The following PSKH1 variants were observed in gnomAD, a reference collection of about 807,000 sequenced individuals.
The protein encoded by PSKH1 is serine/threonine-protein kinase H1.
A neutral mutation model predicts 26.7 loss-of-function variants in PSKH1; 12 were observed. The ratio of observed to expected loss-of-function variants is 0.45; its 90% CI spans 0.29 to 0.73. PSKH1 has a LOEUF of 0.73. Among genes scored for constraint, PSKH1 ranks in the 30% least tolerant of loss-of-function variants. The pLI is 0.11. For missense variants in PSKH1, 431 were observed against 595.2 expected, an observed-to-expected ratio of 0.72 and a Z score of 2.87; for synonymous variants, 213 against 234.3, an observed-to-expected ratio of 0.91 and a Z score of 0.83.
chr16:67,906,890 C>T (rs2058157471), intron 1 of PSKH1, among the ~76,000 whole-genome samples: 1 of 152,044 alleles, frequency 6.6e-6, no homozygotes, highest in Non-Finnish European at 1.5e-5. Flanking sequence ...CATAAGGAAG[C>T]AAGATACCCT....
intron 2 of PSKH1, among the ~76,000 whole-genome samples, chr16:67,912,699 T>C (rs1313846049): frequency 3.9e-5 from 6 of 152,054 alleles, no homozygotes; most frequent in Non-Finnish European, 1.5e-5. Flanking sequence ...TGAAACCCCG[T>C]CTCTACTAAA....
chr16:67,905,512 T>C (rs1474915101), intron 1 of PSKH1, among the ~76,000 whole-genome samples: 1 of 152,210 alleles, frequency 6.6e-6, no homozygotes, highest in Non-Finnish European at 1.5e-5. Flanking sequence ...CCGACTTCAC[T>C]CTACATTATA....
Position 67,909,520 on chromosome 16 carries a change from C to A in PSKH1, c.771C>A (p.Thr257=). 1 of 1,613,816 alleles carries A rather than the reference C, an allele frequency of 6.2e-7. No individual in the cohort carries two copies. Residue 257 remains threonine (T), a synonymous_variant, in exon 2 of 3, where the codon ACC becomes ACA. Transcript: ENST00000291041. The surrounding 1 kb of genome is among the most constrained non-coding windows in gnomAD (Gnocchi z 7.8). ...KKGDDCLMKT[T]CGTPEYIAPE... is the part of the protein sequence containing the mutation. ...GTGATGACTGCTTGATGAAGACCAC[C>A]TGTGGCACGCCTGAGTACATTGCCC...
chr16:67,908,689 G>A lies in PSKH1; in HGVS notation c.-61G>A, dbSNP rs2058163209. The A allele has an allele frequency of 2.1e-6, 3 of 1,407,966 alleles. No homozygotes were observed. The East Asian group carries it at 6.9e-5, about 32-fold the overall frequency. 87.2% of individuals were successfully genotyped at this position (1,407,966 alleles called of 1,614,324 possible). A position where few individuals can be genotyped will look rare whatever the true frequency, so the allele number is the denominator to read the frequency against. On this transcript the variant is annotated 5_prime_UTR_variant, in exon 2 of 3. Transcript: ENST00000291041. ...CTCTCTTTGTGTGTAGGTGTAGACG[G>A]GGCACTGCCTTCAGAGCAGGTCCTG...
rs879710546 is a variant in PSKH1 at position 67,906,073 on chromosome 16, AT to A, written c.-70-2596del. Among the ~76,000 whole-genome samples the A allele has an allele frequency of 6.7e-4, 99 of 147,298 alleles. 1 individual carries two copies. The East Asian group carries it at 0.013, about 19-fold the overall frequency. ...TTCTCTTCCAGTTCTATTTGTCATA[AT>A]TTTTTTTTTTCTTTTTGAGACAGAG... On this transcript the variant is annotated intron_variant, in intron 1 of 2. Transcript: ENST00000291041.
rs1001050531 is a variant in PSKH1 at position 67,929,217 on chromosome 16, G to C, written c.*1575G>C. On this transcript the variant is annotated 3_prime_UTR_variant, in exon 3 of 3. Coordinates refer to ENST00000291041, the MANE Select transcript of PSKH1 (RefSeq NM_006742.3). ...TGACGGCAGGGCCCCTGCCATTGCAGGAGGGTTTGGTTCCCACTCAGCTTC... is the reference window on the plus strand; with the variant it reads ...TGACGGCAGGGCCCCTGCCATTGCACGAGGGTTTGGTTCCCACTCAGCTTC... 2 of 152,586 alleles carry C rather than the reference G, an allele frequency of 1.3e-5. No homozygotes were observed. The highest frequency in any genetic ancestry group is 6.5e-5 in the Admixed American group (1 of 15,292). The allele number at this position is 152,586 out of a possible 1,614,324, so 9.5% of individuals were successfully genotyped here. A position where few individuals can be genotyped will look rare whatever the true frequency, so the allele number is the denominator to read the frequency against.
At position 67,928,392 on chromosome 16, in the gene PSKH1, CCTT is replaced by C. The variant is rs1478242927; in HGVS notation, c.*754_*756del. The C allele has an allele frequency of 6.5e-6, 1 of 152,778 alleles. No individual in the cohort carries two copies. The highest frequency in any genetic ancestry group is 2.4e-5 in the African/African-American group (1 of 41,430). The allele number at this position is 152,778 out of a possible 1,614,324, so 9.5% of individuals were successfully genotyped here. Reference sequence around the variant, plus strand: ...GGGTCTCAGCCCACCGCCCTTGGTGCCTTCTTTGTAGAGCCCACCGCTACCTCC... The same window carrying C: ...GGGTCTCAGCCCACCGCCCTTGGTGCCTTTGTAGAGCCCACCGCTACCTCC... On this transcript the variant is annotated 3_prime_UTR_variant, in exon 3 of 3. Coordinates refer to ENST00000291041, the MANE Select transcript of PSKH1 (RefSeq NM_006742.3). The surrounding 1 kb of genome is among the most constrained non-coding windows in gnomAD (Gnocchi z 4.8).
chr16:67,927,874 A>G lies in PSKH1; in HGVS notation c.*232A>G. 1 of 563,088 alleles carries G rather than the reference A, an allele frequency of 1.8e-6. No homozygotes were observed. Among genetic ancestry groups the G allele is most frequent in the East Asian group, 3.0e-5 (1 of 33,750 alleles). The allele number at this position is 563,088 out of a possible 1,614,324, so 34.9% of individuals were successfully genotyped here. ...GGGCTGTGACTCCCCCTGAACTGGG[A>G]GCCTGGCCTGGCACTGATACCCCTC... On this transcript the variant is annotated 3_prime_UTR_variant, in exon 3 of 3. Coordinates refer to ENST00000291041, the MANE Select transcript of PSKH1 (RefSeq NM_006742.3). This position sits in a 1 kb window ranked among gnomAD's most constrained non-coding sequence, Gnocchi z 5.5.
intron 1 of PSKH1, among the ~76,000 whole-genome samples, chr16:67,897,967 C>A (rs530759035): frequency 1.3e-5 from 2 of 152,294 alleles, no homozygotes; most frequent in Admixed American, 1.3e-4. Flanking sequence ...CCTGCCTCAG[C>A]CTCCCGAGTA....
chr16:67,906,003 A>G (rs1030574757), intron 1 of PSKH1, among the ~76,000 whole-genome samples: 1 of 152,098 alleles, frequency 6.6e-6, no homozygotes, highest in African/African-American at 2.4e-5. Context: ...TGCCCCTGGT[A>G]TCTACTAGAT....
intron 2 of PSKH1, among the ~76,000 whole-genome samples, chr16:67,910,489 TC>T (rs2058170373): frequency 6.6e-6 from 1 of 151,956 alleles, no homozygotes; most frequent in South Asian, 2.1e-4. Flanking sequence ...AACCAGAAAA[TC>T]TGATCTTTTA....
intron 2 of PSKH1, among the ~76,000 whole-genome samples, chr16:67,914,449 G>A (rs568613879): frequency 4.0e-5 from 6 of 149,350 alleles, no homozygotes; most frequent in Non-Finnish European, 8.9e-5. Context: ...CACTGTGTCC[G>A]GTCTGAATTT....
intron 1 of PSKH1, among the ~76,000 whole-genome samples, chr16:67,897,994 C>A (rs1185715871): frequency 6.6e-6 from 1 of 152,150 alleles, no homozygotes; most frequent in Non-Finnish European, 1.5e-5. Flanking sequence ...ACTACAGGTG[C>A]ACGCTACCAC....
At chr16:67,921,375 A>T (rs1205748628) in intron 2 of PSKH1, among the ~76,000 whole-genome samples, 1 of 152,138 alleles carries the variant, frequency 6.6e-6, no homozygotes, top group African/African-American at 2.4e-5. Context: ...GGAGATCAAG[A>T]CTATCCTGGC....
chr16:67,895,456 T>A (rs547721157), intron 1 of PSKH1, among the ~76,000 whole-genome samples: 1 of 151,434 alleles, frequency 6.6e-6, no homozygotes, highest in South Asian at 2.1e-4. Context: ...ACACCCAGGC[T>A]GGAGTGCAGT....
intron 1 of PSKH1, among the ~76,000 whole-genome samples, chr16:67,904,007 AC>A: frequency 7.0e-6 from 1 of 142,066 alleles, no homozygotes; most frequent in South Asian, 2.2e-4. Flanking sequence ...ATACCATCAT[AC>A]CCAGCTGATT....
chr16:67,927,458 T>A lies in PSKH1; in HGVS notation c.1091T>A (p.Met364Lys). Residue 364 changes from methionine (M) to lysine (K), a missense_variant, in exon 3 of 3, where the codon ATG (methionine) becomes AAG (lysine). Met to Lys is a moderately conservative substitution (Grantham distance 95, BLOSUM62 -1). Coordinates refer to ENST00000291041, the MANE Select transcript of PSKH1 (RefSeq NM_006742.3). The surrounding 1 kb of genome is among the most constrained non-coding windows in gnomAD (Gnocchi z 5.5). ...GTGAGCATGGCTGCCTCTTCATCCA[T>A]GAAGAACCTGCACCGCTCCATATCC... ...WVVSMAASSSMKNLHRSISQN... is the reference protein window; with the variant it reads ...WVVSMAASSSKKNLHRSISQN... The A allele has an allele frequency of 1.2e-6, 2 of 1,614,218 alleles. No homozygotes were observed. Among genetic ancestry groups the A allele is most frequent in the Non-Finnish European group, 1.7e-6 (2 of 1,180,038 alleles).
rs931071569 is a variant in PSKH1, at chr16:67,909,489, A to G, written c.740A>G (p.Lys247Arg). Residue 247 changes from lysine (K) to arginine (R), a missense_variant, in exon 2 of 3, where the codon AAG becomes AGG. Coordinates refer to ENST00000291041, the MANE Select transcript of PSKH1 (RefSeq NM_006742.3). This position sits in a 1 kb window ranked among gnomAD's most constrained non-coding sequence, Gnocchi z 7.8. ...GACTTCGGCCTGGCCAGTGCTCGCA[A>G]GAAGGGTGATGACTGCTTGATGAAG... ...ITDFGLASAR[K>R]KGDDCLMKTT... 6.2e-7 allele frequency: 1 copy of G among 1,613,708 alleles called. No homozygotes were observed. The highest frequency in any genetic ancestry group is 1.3e-5 in the African/African-American group (1 of 75,012).
At chr16:67,920,435 A>G (rs1016477041) in intron 2 of PSKH1, among the ~76,000 whole-genome samples, 25 of 151,990 alleles carry the variant, frequency 1.6e-4, no homozygotes, top group Non-Finnish European at 1.3e-4. Context: ...CTAATTTTTT[A>G]GGTTTCTTGT....
Sources: allele counts gnomAD v4.1 joint callset (sites outside exome capture counted in the v4.1 genomes callset), GRCh38; gene constraint gnomAD v4.1.1; non-coding constraint Gnocchi (gnomAD v3.1); transcripts MANE v1.5; gene names NCBI Gene and HGNC (gene_info 2026-07-23, HGNC 2026-07-21).